NFXL1: variants seen among roughly 807,000 people sequenced by gnomAD.
NFXL1 encodes the protein nuclear transcription factor, X-box binding like 1.
NFXL1 carries 66 observed loss-of-function variants against 123.3 expected under a neutral mutation model. The ratio of observed to expected loss-of-function variants is 0.54; its 90% CI spans 0.44 to 0.66. NFXL1 has a LOEUF of 0.66. Among genes scored for constraint, NFXL1 ranks in the 30% least tolerant of loss-of-function variants. The pLI, the probability that NFXL1 is intolerant of heterozygous loss-of-function variation, is 0.00. For synonymous variants in NFXL1, 346 were observed against 360.8 expected (o/e 0.96, Z 0.46); for missense variants, 944 against 1,125.6 (o/e 0.84, Z 2.31).
chr4:47,871,803 G>A (rs911115529), intron 18 of NFXL1, among the ~76,000 whole-genome samples: 1 of 152,054 alleles, frequency 6.6e-6, no homozygotes, highest in Non-Finnish European at 1.5e-5. Context: ...ATTTAACAAA[G>A]CATGAGTCTA....
chr4:47,881,125 A>G (rs1736091926), intron 15 of NFXL1, among the ~76,000 whole-genome samples: 2 of 152,176 alleles, frequency 1.3e-5, no homozygotes, highest in Non-Finnish European at 2.9e-5. Context: ...ATAGATATAG[A>G]TATCTATAAC....
Position 47,885,762 on chromosome 4 carries a change from G to A in NFXL1, c.1665-105C>T, listed in dbSNP as rs927524633. ...TATCTTCTGATTCCATATAGAATGA[G>A]TATACTGTGAATATTAATATTTTAA... is the stretch of plus-strand genomic sequence containing the variant. On this transcript the variant is annotated intron_variant, in intron 13 of 22. Coordinates refer to ENST00000507489, the MANE Select transcript of NFXL1 (RefSeq NM_001278624.2). The A allele has an allele frequency of 4.5e-6, 6 of 1,336,272 alleles. No individual in the cohort carries two copies. In the East Asian group the frequency reaches 1.4e-4, roughly 32 times the overall value. The allele number at this position is 1,336,272 out of a possible 1,614,324, so 82.8% of individuals were successfully genotyped here. A position where few individuals can be genotyped will look rare whatever the true frequency, so the allele number is the denominator to read the frequency against.
rs779608162 is a variant in NFXL1 at position 47,910,961 on chromosome 4, T to C, written c.269A>G (p.Lys90Arg). ...TCTGGCTGCAGCTTGGTTAGCTTTC[T>C]TGATTTCTTCAAATTTTTTCTGAGA... ...LMSQKKFEEI[K>R]KANQAAARKL... Residue 90 changes from lysine (K) to arginine (R), a missense_variant, in exon 3 of 23, where the codon AAG becomes AGG. Physicochemically the swap from Lys to Arg is conservative, Grantham distance 26 (BLOSUM62 2). Transcript: ENST00000507489. The C allele has an allele frequency of 1.2e-6, 2 of 1,604,864 alleles. No individual in the cohort carries two copies. Among genetic ancestry groups the C allele is most frequent in the African/African-American group, 2.7e-5 (2 of 74,338 alleles).
intron 3 of NFXL1, among the ~76,000 whole-genome samples, 199 bp downstream of exon 3, chr4:47,910,624 CA>C (rs1737783003): frequency 6.6e-6 from 1 of 152,180 alleles, no homozygotes; most frequent in South Asian, 2.1e-4. Flanking sequence ...GAGCCACTGC[CA>C]TTCTATTTGC....
intron 15 of NFXL1, 34 bp downstream of exon 15, chr4:47,884,310 TTG>T (rs772732776): frequency 5.6e-5 from 74 of 1,315,586 alleles, no homozygotes; most frequent in Non-Finnish European, 6.9e-5. Context: ...CAAAAGTTTT[TTG>T]TTTTTTTTTT....
Position 47,898,042 on chromosome 4 carries a change from C to G in NFXL1, c.1129G>C (p.Glu377Gln). Residue 377 changes from glutamate to glutamine, a missense_variant, in exon 9 of 23, where the codon GAG (glutamate) becomes CAG (glutamine). Glu to Gln is a conservative substitution (Grantham distance 29). Coordinates refer to ENST00000507489, the MANE Select transcript of NFXL1 (RefSeq NM_001278624.2). The stretch of plus-strand genomic sequence containing the variant: ...CAAGCACCAACATGGCAAACTTGCT[C>G]ACATGTGTGATTACCACATGGCAGT... ...KTLPCGNHTCEQVCHVGACGE... is the reference protein window; with the variant it reads ...KTLPCGNHTCQQVCHVGACGE... The G allele has an allele frequency of 6.2e-7, 1 of 1,612,510 alleles. No homozygotes were observed. The highest frequency in any genetic ancestry group is 1.1e-5 in the South Asian group (1 of 90,740).
intron 19 of NFXL1, among the ~76,000 whole-genome samples, chr4:47,859,767 G>C (rs961664374): frequency 2.9e-5 from 4 of 137,048 alleles, no homozygotes; most frequent in Admixed American, 2.5e-4. Context: ...GCTTGAACCT[G>C]GGAGGTGGAG....
At chr4:47,859,855 AAAAAAAAAAAAAAAAC>A (rs1421164031) in intron 19 of NFXL1, among the ~76,000 whole-genome samples, 32 of 143,294 alleles carry the variant, frequency 2.2e-4, no homozygotes, top group Middle Eastern at 6.9e-3. Flanking sequence ...AAAAAAAAAA[AAAAAAAAAAAAAAAAC>A]AAACAAACAA....
chr4:47,878,200 G>A (rs1180901225), intron 17 of NFXL1, among the ~76,000 whole-genome samples: 1 of 152,020 alleles, frequency 6.6e-6, no homozygotes, highest in Non-Finnish European at 1.5e-5. Flanking sequence ...AGAAATGGAG[G>A]TGATACTCTT....
Position 47,899,505 on chromosome 4 carries a change from T to C in NFXL1, c.691A>G (p.Arg231Gly). Residue 231 changes from arginine to glycine, a missense_variant, in exon 6 of 23, where the codon AGG (arginine) becomes GGG (glycine). By Grantham distance (125) the Arg-to-Gly change is moderately radical. Coordinates refer to ENST00000507489, the MANE Select transcript of NFXL1 (RefSeq NM_001278624.2). ...FEYKRSETPSRYYCYCGKVED... is the reference protein window; with the variant it reads ...FEYKRSETPSGYYCYCGKVED... Reference sequence around the variant, plus strand: ...ACTTTTCCACAATAGCAATAGTACCTACTAGGTGTTTCAGATCGTTTGTAT... The same window carrying C: ...ACTTTTCCACAATAGCAATAGTACCCACTAGGTGTTTCAGATCGTTTGTAT... 1 of 1,612,828 alleles carries C rather than the reference T, an allele frequency of 6.2e-7. No individual in the cohort carries two copies. Among genetic ancestry groups the C allele is most frequent in the Non-Finnish European group, 8.5e-7 (1 of 1,178,908 alleles).
chr4:47,878,788 G>GAAT, intron 16 of NFXL1, 123 bp from the exon 17 acceptor site: 1 of 636,898 alleles, frequency 1.6e-6, no homozygotes. Context: ...AAGTTTGCAC[G>GAAT]AATAATAATA....
chr4:47,912,826 T>C (rs1486027587), intron 2 of NFXL1, among the ~76,000 whole-genome samples: 1 of 141,106 alleles, frequency 7.1e-6, no homozygotes, highest in Non-Finnish European at 1.5e-5. Flanking sequence ...ACCCCGTCTC[T>C]ACTAAAAAAA....
chr4:47,908,782 C>T (rs1300592114), intron 3 of NFXL1, among the ~76,000 whole-genome samples: 1 of 151,762 alleles, frequency 6.6e-6, no homozygotes, highest in African/African-American at 2.4e-5. Flanking sequence ...AGTAAAACCC[C>T]GTCTCTACTA....
chr4:47,850,926 T>G (rs1188322370), intron 22 of NFXL1, 169 bp downstream of exon 22: 21 of 564,240 alleles, frequency 3.7e-5, no homozygotes, highest in Middle Eastern at 3.8e-4. Context: ...AGAGTTTCAG[T>G]ATACTTAAAG....
intron 3 of NFXL1, among the ~76,000 whole-genome samples, chr4:47,909,482 AT>A (rs1023088057): frequency 6.6e-5 from 10 of 152,292 alleles, no homozygotes; most frequent in Middle Eastern, 3.4e-3. Flanking sequence ...CCTCTGTAGA[AT>A]TGTTTCCCAA....
At chr4:47,873,779 GC>G (rs937910883) in intron 18 of NFXL1, among the ~76,000 whole-genome samples, 3 of 152,168 alleles carry the variant, frequency 2.0e-5, no homozygotes, top group Non-Finnish European at 4.4e-5. Context: ...ACACTTTAAA[GC>G]CAGGCACTGA....
chr4:47,859,871 C>CAAAAAA (rs1333883635), intron 19 of NFXL1, among the ~76,000 whole-genome samples: 13 of 52,616 alleles, frequency 2.5e-4, no homozygotes, highest in African/African-American at 9.5e-4. Context: ...AAAAAAAAAA[C>CAAAAAA]AAACAAACAA....
rs112024750 is a variant in NFXL1 at position 47,868,041 on chromosome 4, C to T, written c.2247-5126G>A. Among the ~76,000 whole-genome samples the T allele has an allele frequency of 8.5e-3, 1,288 of 152,220 alleles. 8 individuals carry two copies. Among genetic ancestry groups the T allele is most frequent in the Non-Finnish European group, 0.015 (1,009 of 67,996 alleles). ...AAAATCTAAGAAAAAAAGGGCTGGG[C>T]GCAGTGGCTCACGCCTGTAATCTCA... On this transcript the variant is annotated intron_variant, in intron 18 of 22. Transcript: ENST00000507489.
At chr4:47,895,428 T>C (rs1737028330) in intron 10 of NFXL1, among the ~76,000 whole-genome samples, 1 of 152,244 alleles carries the variant, frequency 6.6e-6, no homozygotes, top group Non-Finnish European at 1.5e-5. Flanking sequence ...TTGTTCAATA[T>C]AGCCACCTTC....
Sources: gnomAD v4.1 joint callset for allele counts (sites outside exome capture counted in the v4.1 genomes callset) on GRCh38, gnomAD v4.1.1 for gene constraint, MANE v1.5 for transcripts, NCBI Gene and HGNC (gene_info 2026-07-23, HGNC 2026-07-21) for gene names.